PDS5B: variants seen among roughly 807,000 people sequenced by gnomAD.
The protein encoded by PDS5B is PDS5 cohesin associated factor B, also known as sister chromatid cohesion protein PDS5 homolog B.
Under a neutral mutation model 184.1 loss-of-function variants are expected in PDS5B, and 51 were observed. That is an observed-to-expected ratio of 0.28 (90% CI 0.22 to 0.35). The LOEUF (loss-of-function observed/expected upper bound fraction) is 0.35. PDS5B is among the 10% of genes least tolerant of loss of function. The pLI is 1.00. For synonymous variants in PDS5B, 566 were observed against 569.2 expected (o/e 0.99, Z 0.08); for missense variants, 1,180 against 1,723.3 (o/e 0.68, Z 5.58).
chr13:32,613,318 GT>G (rs2058169982), intron 1 of PDS5B, among the ~76,000 whole-genome samples: 1 of 152,176 alleles, frequency 6.6e-6, no homozygotes, highest in Non-Finnish European at 1.5e-5. Flanking sequence ...AAGCCAGACT[GT>G]TTTCCAGAGC....
chr13:32,722,229 G>A (rs776158600), intron 19 of PDS5B, among the ~76,000 whole-genome samples: 1 of 152,198 alleles, frequency 6.6e-6, no homozygotes, highest in African/African-American at 2.4e-5. Flanking sequence ...GGCGGCGCAC[G>A]CCTGCAATCC....
intron 31 of PDS5B, among the ~76,000 whole-genome samples, chr13:32,765,373 T>C (rs948119024): frequency 4.6e-5 from 7 of 152,258 alleles, no homozygotes; most frequent in African/African-American, 1.7e-4. Context: ...TTGTTACGAC[T>C]TTTGATTATG....
intron 1 of PDS5B, among the ~76,000 whole-genome samples, chr13:32,597,778 C>T (rs1273111557): frequency 1.3e-5 from 2 of 150,160 alleles, no homozygotes; most frequent in Admixed American, 6.6e-5. Flanking sequence ...ACCTGGGAGG[C>T]AGAGGTTGCA....
chr13:32,631,114 C>CTTTTTTTTTTT, intron 1 of PDS5B, among the ~76,000 whole-genome samples: 1 of 123,746 alleles, frequency 8.1e-6, no homozygotes, highest in Non-Finnish European at 1.8e-5. Flanking sequence ...TTCTTTTTTT[C>CTTTTTTTTTTT]TTTCTTTTTT....
chr13:32,732,526 G>A (rs943344925), intron 20 of PDS5B, among the ~76,000 whole-genome samples: 2 of 152,062 alleles, frequency 1.3e-5, no homozygotes, highest in African/African-American at 4.8e-5. Context: ...GTTACAGATA[G>A]TAGGTAACAG....
intron 19 of PDS5B, among the ~76,000 whole-genome samples, chr13:32,729,371 A>G (rs1953021286): frequency 6.6e-6 from 1 of 152,194 alleles, no homozygotes; most frequent in African/African-American, 2.4e-5. Flanking sequence ...ATTGGTTCCA[A>G]GTCTTTGCTA....
intron 19 of PDS5B, among the ~76,000 whole-genome samples, chr13:32,728,336 A>G (rs1299581337): frequency 6.6e-6 from 1 of 152,056 alleles, no homozygotes; most frequent in African/African-American, 2.4e-5. Flanking sequence ...GTTGTATATT[A>G]TAAGGGCTTT....
intron 13 of PDS5B, chr13:32,689,561 A>G (rs754013495): frequency 2.0e-5 from 3 of 152,158 alleles, no homozygotes; most frequent in African/African-American, 4.8e-5. Context: ...AAGCTTGGCA[A>G]CCCTGGTTTA....
rs746730729 is a variant in PDS5B at position 32,658,287 on chromosome 13, A to G, written c.361A>G (p.Lys121Glu). ...TRQLKGLEDTKSPQFNRYFYL... is the reference protein window; with the variant it reads ...TRQLKGLEDTESPQFNRYFYL... Reference sequence around the variant, plus strand: ...ACAGTTGAAGGGGCTAGAGGATACAAAGAGCCCACAATTCAATAGGTATTT... The same window carrying G: ...ACAGTTGAAGGGGCTAGAGGATACAGAGAGCCCACAATTCAATAGGTATTT... Residue 121 changes from lysine to glutamate, a missense_variant, in exon 4 of 35, where the codon AAG (lysine) becomes GAG (glutamate). This residue lies in a region of PDS5B where 22 missense variants were observed against 46.8 expected (regional missense o/e 0.47). Coordinates refer to ENST00000315596, the MANE Select transcript of PDS5B (RefSeq NM_015032.4). 1 of 1,528,258 alleles carries G rather than the reference A, an allele frequency of 6.5e-7. No individual in the cohort carries two copies. 94.7% of individuals were successfully genotyped at this position (1,528,258 alleles called of 1,614,324 possible). A position where few individuals can be genotyped will look rare whatever the true frequency, so the allele number is the denominator to read the frequency against.
chr13:32,698,268 T>TG (rs1402323406), intron 15 of PDS5B, among the ~76,000 whole-genome samples: 7 of 152,272 alleles, frequency 4.6e-5, no homozygotes, highest in Admixed American at 3.9e-4. Flanking sequence ...TAGGCCTTAT[T>TG]GTAGCCTTTA....
intron 1 of PDS5B, among the ~76,000 whole-genome samples, chr13:32,587,535 T>C (rs1461324133): frequency 6.6e-6 from 1 of 152,222 alleles, no homozygotes; most frequent in Non-Finnish European, 1.5e-5. Context: ...GGTAGAGACG[T>C]GAAAGCTAAC....
chr13:32,600,597 G>A (rs1200712516), intron 1 of PDS5B, among the ~76,000 whole-genome samples: 1 of 152,182 alleles, frequency 6.6e-6, no homozygotes, highest in East Asian at 1.9e-4. Flanking sequence ...AAGATGAGCC[G>A]GTGTGATGGC....
chr13:32,702,599 C>G (rs1951893659), intron 17 of PDS5B, among the ~76,000 whole-genome samples: 1 of 152,082 alleles, frequency 6.6e-6, no homozygotes, highest in Non-Finnish European at 1.5e-5. Flanking sequence ...AATATTTCAC[C>G]TAAGAGGGGA....
intron 2 of PDS5B, chr13:32,649,288 G>T: frequency 6.4e-6 from 1 of 156,562 alleles, no homozygotes; most frequent in Non-Finnish European, 1.4e-5. Context: ...TAGGTCAAAG[G>T]GCTTCACTTT....
At chr13:32,757,958 TC>T (rs1451818159) in intron 26 of PDS5B, 128 bp from the exon 27 acceptor site, 3 of 431,388 alleles carry the variant, frequency 7.0e-6, no homozygotes, top group African/African-American at 6.2e-5. Context: ...TGTAACTGTT[TC>T]TTTTTTTTTT....
intron 7 of PDS5B, 39 bp downstream of exon 7, chr13:32,667,883 C>T (rs757338150): frequency 1.6e-6 from 2 of 1,267,880 alleles, no homozygotes; most frequent in Admixed American, 5.1e-5. Flanking sequence ...AAGGATTAAA[C>T]TGAAAATTTA....
intron 2 of PDS5B, among the ~76,000 whole-genome samples, chr13:32,651,299 T>G (rs1950360875): frequency 6.6e-6 from 1 of 152,224 alleles, no homozygotes; most frequent in Non-Finnish European, 1.5e-5. Context: ...TGTTGAGGGA[T>G]GCATCTTTGA....
intron 13 of PDS5B, chr13:32,690,089 A>G (rs1215986080): frequency 1.3e-5 from 2 of 152,222 alleles, no homozygotes; most frequent in Non-Finnish European, 2.9e-5. Context: ...CAAGAATTTG[A>G]AACACTTCTA....
intron 3 of PDS5B, among the ~76,000 whole-genome samples, chr13:32,653,956 C>T (rs985320785): frequency 6.6e-5 from 10 of 152,064 alleles, no homozygotes; most frequent in African/African-American, 2.2e-4. Flanking sequence ...TTGGGGGTAA[C>T]GAGAAATTCT....
Sources: allele counts gnomAD v4.1 joint callset (sites outside exome capture counted in the v4.1 genomes callset), GRCh38; gene constraint gnomAD v4.1.1; regional missense constraint gnomAD v4.1.1; transcripts MANE v1.5; gene names NCBI Gene and HGNC (gene_info 2026-07-23, HGNC 2026-07-21).